LRP1B: variants seen among roughly 807,000 people sequenced by gnomAD.
LRP1B encodes the protein LDL receptor related protein 1B.
In LRP1B, 217 loss-of-function variants were observed where a neutral mutation model predicts 556.6. That is an observed-to-expected ratio of 0.39 (90% confidence interval 0.35 to 0.44). LRP1B has a LOEUF of 0.44. LRP1B is among the 20% of genes least tolerant of loss of function. The pLI, the probability that LRP1B is intolerant of heterozygous loss-of-function variation, is 1.00. For synonymous variants in LRP1B, 2,047 were observed against 1,865.8 expected (o/e 1.10, Z -2.50); for missense variants, 5,053 against 5,620.8 (o/e 0.90, Z 3.23).
chr2:142,000,638 A>G (rs1233008577), intron 1 of LRP1B, among the ~76,000 whole-genome samples: 5 of 152,206 alleles, frequency 3.3e-5, no homozygotes, highest in Non-Finnish European at 7.3e-5. Flanking sequence ...CAGCTCTTTG[A>G]TAGTGTTAAC....
At chr2:141,709,288 G>T (rs532953191) in intron 2 of LRP1B, among the ~76,000 whole-genome samples, 1 of 151,936 alleles carries the variant, frequency 6.6e-6, no homozygotes, top group Non-Finnish European at 1.5e-5. Context: ...GGCAGAAGTT[G>T]CAGTGAGCCA....
At chr2:141,174,301 G>C (rs911465779) in intron 7 of LRP1B, among the ~76,000 whole-genome samples, 1 of 152,090 alleles carries the variant, frequency 6.6e-6, no homozygotes, top group African/African-American at 2.4e-5. Flanking sequence ...CCCCAAGGTA[G>C]AGTTGCCTAT....
intron 3 of LRP1B, among the ~76,000 whole-genome samples, chr2:141,364,801 G>T: frequency 6.6e-6 from 1 of 152,198 alleles, no homozygotes; most frequent in South Asian, 2.1e-4. Context: ...AAGAGTTTAA[G>T]TAAACGTATT....
chr2:142,030,579 T>C (rs760677967), intron 1 of LRP1B, among the ~76,000 whole-genome samples: 1 of 151,938 alleles, frequency 6.6e-6, no homozygotes, highest in African/African-American at 2.4e-5. Context: ...GCTTTACCAG[T>C]ATAAGCTTTA....
intron 1 of LRP1B, among the ~76,000 whole-genome samples, chr2:142,054,853 G>A (rs1704605038): frequency 6.6e-6 from 1 of 151,970 alleles, no homozygotes; most frequent in Non-Finnish European, 1.5e-5. Context: ...TAAGCAAAAA[G>A]TTATAGTATG....
chr2:141,763,944 A>T (rs1694646508), intron 2 of LRP1B, among the ~76,000 whole-genome samples: 1 of 152,178 alleles, frequency 6.6e-6, no homozygotes, highest in African/African-American at 2.4e-5. Context: ...GGTAATACAG[A>T]TTATTGCAAT....
intron 2 of LRP1B, among the ~76,000 whole-genome samples, chr2:141,571,930 A>G (rs1237882104): frequency 6.6e-6 from 1 of 152,180 alleles, no homozygotes; most frequent in Non-Finnish European, 1.5e-5. Flanking sequence ...ATGGGACTTC[A>G]TAAGAAGACT....
At chr2:140,884,387 T>C (rs1693571248) in intron 24 of LRP1B, among the ~76,000 whole-genome samples, 1 of 152,148 alleles carries the variant, frequency 6.6e-6, no homozygotes, top group African/African-American at 2.4e-5. Context: ...TTAAAATCAG[T>C]GCAACTTAAC....
intron 1 of LRP1B, among the ~76,000 whole-genome samples, chr2:142,124,051 A>G (rs76773300): frequency 0.054 from 8,245 of 151,778 alleles, 743 homozygotes; most frequent in African/African-American, 0.19. Flanking sequence ...TTTAATTTTA[A>G]TTTTAGATTT....
chr2:141,937,665 T>G (rs970778901), intron 1 of LRP1B, among the ~76,000 whole-genome samples: 1 of 149,900 alleles, frequency 6.7e-6, no homozygotes, highest in Non-Finnish European at 1.5e-5. Context: ...TGCACCTAAA[T>G]TAAAAAAAAA....
chr2:141,041,977 G>T (rs77311315), intron 11 of LRP1B, among the ~76,000 whole-genome samples: 2,816 of 152,082 alleles, frequency 0.019, 127 homozygotes, highest in East Asian at 0.18. Context: ...AAGAATCAAA[G>T]GTTCTGGGGA....
rs1553506202 is a variant in LRP1B, at chr2:142,031,341, T to TGAAGAGAAAAAAATGACATA, written c.82+99306_82+99307insTATGTCATTTTTTTCTCTTC. ...GGTTGATTATACTTATTTTTTTTTTTTTTTTTTATTATACTCTAAGTTTTA... is the reference window on the plus strand; with the variant it reads ...GGTTGATTATACTTATTTTTTTTTTTGAAGAGAAAAAAATGACATATTTTTTTATTATACTCTAAGTTTTA... On this transcript the variant is annotated intron_variant, in intron 1 of 90. Coordinates refer to ENST00000389484, the MANE Select transcript of LRP1B (RefSeq NM_018557.3). Among the ~76,000 whole-genome samples, 14 of 126,004 alleles carry TGAAGAGAAAAAAATGACATA rather than the reference T, an allele frequency of 1.1e-4. No individual in the cohort carries two copies. The South Asian group carries it at 1.2e-3, about 11-fold the overall frequency. 82.7% of individuals were successfully genotyped at this position (126,004 alleles called of 152,430 possible). A position where few individuals can be genotyped will look rare whatever the true frequency, so the allele number is the denominator to read the frequency against.
chr2:140,969,946 G>A (rs56925193), intron 18 of LRP1B, among the ~76,000 whole-genome samples: 16,902 of 152,048 alleles, frequency 0.11, 1,018 homozygotes, highest in East Asian at 0.19. Flanking sequence ...CTCTCTGGCC[G>A]CCCTTAACAT....
chr2:141,607,068 A>T (rs1687939376), intron 2 of LRP1B, among the ~76,000 whole-genome samples: 1 of 151,910 alleles, frequency 6.6e-6, no homozygotes, highest in Admixed American at 6.6e-5. Flanking sequence ...TTGAATACCT[A>T]AGCACTAGGT....
At chr2:140,653,557 A>G (rs569793000) in intron 41 of LRP1B, among the ~76,000 whole-genome samples, 2 of 152,252 alleles carry the variant, frequency 1.3e-5, no homozygotes, top group East Asian at 3.9e-4. Flanking sequence ...GATATGGTAG[A>G]AAATAGGTAT....
chr2:141,328,417 T>C (rs1337687341), intron 3 of LRP1B, among the ~76,000 whole-genome samples: 1 of 152,178 alleles, frequency 6.6e-6, no homozygotes, highest in Non-Finnish European at 1.5e-5. Flanking sequence ...ACAAGAAACA[T>C]TAGCTAATTT....
Position 140,526,301 on chromosome 2 carries a change from A to C in LRP1B, c.7812T>G (p.Ile2604Met). Residue 2604 changes from isoleucine to methionine, a missense_variant, in exon 48 of 91, where the codon ATT becomes ATG. Ile to Met is a conservative substitution (Grantham distance 10, BLOSUM62 1). Around this residue, in one of 5 missense-constraint regions of LRP1B, gnomAD observed 3,619 missense variants for 3,931.9 expected, o/e 0.92. Transcript: ENST00000389484. ...TCTGGTTGCATCGTGCTGATCTTGG[A>C]ATACAAGTCCCATCTGCACAGCGGA... ...VEFRCADGTC[I>M]PRSARCNQNI... The C allele has an allele frequency of 6.2e-7, 1 of 1,612,096 alleles. No individual in the cohort carries two copies. Among genetic ancestry groups the C allele is most frequent in the East Asian group, 2.2e-5 (1 of 44,826 alleles).
At chr2:140,629,487 T>C (rs1683800949) in intron 41 of LRP1B, among the ~76,000 whole-genome samples, 1 of 149,544 alleles carries the variant, frequency 6.7e-6, no homozygotes, top group South Asian at 2.1e-4. Flanking sequence ...CAGGCTTATG[T>C]ATTCAAATGT....
intron 20 of LRP1B, among the ~76,000 whole-genome samples, chr2:140,946,085 GC>G (rs2105293260): frequency 6.6e-6 from 1 of 152,226 alleles, no homozygotes; most frequent in African/African-American, 2.4e-5. Context: ...CATGCAAGTG[GC>G]CAGGAAACAT....
Sources: gnomAD v4.1 joint callset for allele counts (sites outside exome capture counted in the v4.1 genomes callset) on GRCh38, gnomAD v4.1.1 for gene constraint, gnomAD v4.1.1 regional missense constraint, MANE v1.5 for transcripts, NCBI Gene and HGNC (gene_info 2026-07-23, HGNC 2026-07-21) for gene names.